Variants in TGFBI observed in about 807,000 individuals in gnomAD.
The protein encoded by TGFBI is transforming growth factor beta induced, also known as transforming growth factor-beta-induced protein ig-h3.
Under a neutral mutation model 73.7 loss-of-function variants are expected in TGFBI, and 50 were observed. The observed-to-expected ratio is 0.68, with a 90% CI of 0.54 to 0.86. TGFBI has a LOEUF of 0.86. Among genes scored for constraint, TGFBI ranks in the 40% least tolerant of loss-of-function variants. TGFBI has a pLI of 0.00. For missense variants in TGFBI, 839 were observed against 877.0 expected, an observed-to-expected ratio of 0.96 and a Z score of 0.55; for synonymous variants, 362 against 360.5, an observed-to-expected ratio of 1.00 and a Z score of -0.05.
intron 1 of TGFBI, 65 bp from the exon 2 acceptor site, chr5:136,033,698 T>A (rs1439608217): frequency 1.6e-5 from 22 of 1,371,540 alleles, no homozygotes. Flanking sequence ...GCAAACACGA[T>A]GGGAGTCATT....
At chr5:136,037,439 A>G (rs1331550807) in intron 2 of TGFBI, among the ~76,000 whole-genome samples, 1 of 152,134 alleles carries the variant, frequency 6.6e-6, no homozygotes, top group Non-Finnish European at 1.5e-5. Context: ...GTGGTCAGGA[A>G]GCCTGGCTGC....
chr5:136,041,786 C>T (rs1309463670), intron 2 of TGFBI, among the ~76,000 whole-genome samples: 1 of 152,190 alleles, frequency 6.6e-6, no homozygotes, highest in Non-Finnish European at 1.5e-5. Flanking sequence ...CACCTAGCCA[C>T]AGGAACCAAT....
Position 136,055,691 on chromosome 5 carries a change from T to C in TGFBI, c.1422T>C (p.Ile474=), listed in dbSNP as rs760650058. ...CCTCTTCTGTGCAGAGCCTCTGCAT[T>C]GAGAACAGCTGCATCGCGGCCCACG... ...RVFVYRNSLC[I]ENSCIAAHDK... The change falls in exon 11 of 17, where the codon ATT becomes ATC. Residue 474 remains isoleucine, a synonymous_variant. Transcript: ENST00000442011. 1 of 1,605,754 alleles carries C rather than the reference T, an allele frequency of 6.2e-7. No individual in the cohort carries two copies. The highest frequency in any genetic ancestry group is 1.7e-5 in the Admixed American group (1 of 59,834).
intron 16 of TGFBI, 43 bp from the exon 17 acceptor site, chr5:136,063,143 G>T (rs1751779674): frequency 6.3e-7 from 1 of 1,583,136 alleles, no homozygotes. Context: ...ACAGACATGG[G>T]GAGATCTGCA....
Position 136,029,060 on chromosome 5 carries a change from C to G in TGFBI, c.5C>G (p.Ala2Gly), listed in dbSNP as rs961237698. Residue 2 changes from alanine to glycine, a missense_variant, in exon 1 of 17, where the codon GCG becomes GGG. Physicochemically the swap from Ala to Gly is moderately conservative, Grantham distance 60. Coordinates refer to ENST00000442011, the MANE Select transcript of TGFBI (RefSeq NM_000358.3). M[A>G]LFVRLLALAL... is the part of the protein sequence containing the mutation. ...CGGTGCGCGTCGTCCCGCTCCATGG[C>G]GCTCTTCGTGCGGCTGCTGGCTCTC... 2 of 1,527,392 alleles carry G rather than the reference C, an allele frequency of 1.3e-6. No individual in the cohort carries two copies. The highest frequency in any genetic ancestry group is 1.7e-6 in the Non-Finnish European group (2 of 1,144,114). The allele number at this position is 1,527,392 out of a possible 1,614,324, so 94.6% of individuals were successfully genotyped here.
chr5:136,055,804 A>G lies in TGFBI; in HGVS notation c.1535A>G (p.Asp512Gly), dbSNP rs1751620438. 1 of 1,608,644 alleles carries G rather than the reference A, an allele frequency of 6.2e-7. No homozygotes were observed. The highest frequency in any genetic ancestry group is 2.2e-5 in the East Asian group (1 of 44,682). Residue 512 changes from aspartate (D) to glycine (G), a missense_variant, in exon 11 of 17, where the codon GAC (aspartate) becomes GGC (glycine). Coordinates refer to ENST00000442011, the MANE Select transcript of TGFBI (RefSeq NM_000358.3). ...ACTGTCATGGATGTCCTGAAGGGAGACAATCGCTTTAGGTAATTAGTTCCA... is the reference window on the plus strand; with the variant it reads ...ACTGTCATGGATGTCCTGAAGGGAGGCAATCGCTTTAGGTAATTAGTTCCA... Reference protein sequence around the residue: ...MGTVMDVLKGDNRFSMLVAAI... With the variant: ...MGTVMDVLKGGNRFSMLVAAI...
rs1240386290 is a variant in TGFBI at position 136,056,812 on chromosome 5, GT to G, written c.1678+18del. 1 of 1,605,090 alleles carries G rather than the reference GT, an allele frequency of 6.2e-7. No individual in the cohort carries two copies. The highest frequency in any genetic ancestry group is 8.5e-7 in the Non-Finnish European group (1 of 1,175,176). ...GACTCTTGGGTAAAGACCAACTTAA[GT>G]ACACGTCTCCATTTTTCTAAAGTAG... On this transcript the variant is annotated intron_variant, in intron 12 of 16. Coordinates refer to ENST00000442011, the MANE Select transcript of TGFBI (RefSeq NM_000358.3).
At chr5:136,043,887 C>G (rs1397579012) in intron 2 of TGFBI, among the ~76,000 whole-genome samples, 171 bp from the exon 3 acceptor site, 1 of 152,238 alleles carries the variant, frequency 6.6e-6, no homozygotes, top group Non-Finnish European at 1.5e-5. Context: ...TGAGACTCTC[C>G]TTGCTCAGGA....
rs557545677 is a variant in TGFBI, at chr5:136,053,947, G to A, written c.1131G>A (p.Lys377=). The change falls in exon 9 of 17, where the codon AAG becomes AAA. Residue 377 remains lysine (K), a synonymous_variant. Coordinates refer to ENST00000442011, the MANE Select transcript of TGFBI (RefSeq NM_000358.3). ...CCACTTTCTCCTTCCTTGTAGCCAA[G>A]ACACTATTTGAATTGGCTGCAGAGT... ...IDELLIPDSA[K]TLFELAAESD... The A allele has an allele frequency of 6.2e-7, 1 of 1,613,904 alleles. No individual in the cohort carries two copies. The highest frequency in any genetic ancestry group is 2.2e-5 in the East Asian group (1 of 44,878).
chr5:136,029,173 C>T lies in TGFBI; in HGVS notation c.118C>T (p.Arg40Trp), dbSNP rs1751060687. ...YQLVLQHSRLRGRQHGPNVCA... is the reference protein window; with the variant it reads ...YQLVLQHSRLWGRQHGPNVCA... ...GCTGGTGCTGCAGCACAGCAGGCTC[C>T]GGGGCCGCCAGCACGGGTAAGCCGA... Residue 40 changes from arginine (R) to tryptophan (W), a missense_variant, in exon 1 of 17, where the codon CGG (arginine) becomes TGG (tryptophan). Physicochemically the swap from Arg to Trp is moderately radical, Grantham distance 101. Transcript: ENST00000442011. The T allele has an allele frequency of 6.6e-7, 1 of 1,511,378 alleles. No individual in the cohort carries two copies. The highest frequency in any genetic ancestry group is 8.8e-7 in the Non-Finnish European group (1 of 1,135,356). 93.6% of individuals were successfully genotyped at this position (1,511,378 alleles called of 1,614,324 possible).
chr5:136,060,787 T>A, intron 13 of TGFBI, 47 bp from the exon 14 acceptor site: 1 of 1,357,186 alleles, frequency 7.4e-7, no homozygotes, highest in Non-Finnish European at 1.0e-6. Flanking sequence ...TATATAAATG[T>A]ATAAATAAAT....
At chr5:136,051,692 G>A (rs865793146) in intron 7 of TGFBI, among the ~76,000 whole-genome samples, 22 of 152,182 alleles carry the variant, frequency 1.4e-4, no homozygotes, top group African/African-American at 3.9e-4. Flanking sequence ...CTGGTGGTGT[G>A]TCCAGTTTGA....
In TGFBI at chr5:136,053,134, C is replaced by T. The variant is rs368659984; in HGVS notation, c.1126+15C>T. The T allele has an allele frequency of 6.4e-5, 103 of 1,611,772 alleles. No individual in the cohort carries two copies. The highest frequency in any genetic ancestry group is 1.7e-4 in the Middle Eastern group (1 of 5,724). ...CCCAGACTCAGGTAGGCCAGGCCTC[C>T]GGGGGCCTTGGCCCTGCCTGGCCCA... is the stretch of plus-strand genomic sequence containing the variant. On this transcript the variant is annotated intron_variant, in intron 8 of 16. Transcript: ENST00000442011.
At chr5:136,054,575 A>G in intron 9 of TGFBI, 141 bp from the exon 10 acceptor site, 1 of 1,068,144 alleles carries the variant, frequency 9.4e-7, no homozygotes, top group Non-Finnish European at 1.5e-6. Context: ...ATGTTAAGGA[A>G]TATTGGCAGC....
chr5:136,058,007 C>A (rs1180888212), intron 12 of TGFBI, among the ~76,000 whole-genome samples: 1 of 152,064 alleles, frequency 6.6e-6, no homozygotes, highest in Non-Finnish European at 1.5e-5. Flanking sequence ...CCCAAACACA[C>A]CCTCCCCCAG....
chr5:136,039,652 C>T (rs1325456431), intron 2 of TGFBI, among the ~76,000 whole-genome samples: 3 of 152,220 alleles, frequency 2.0e-5, no homozygotes, highest in African/African-American at 7.2e-5. Flanking sequence ...CAGGAGTGCC[C>T]AAAATGCCCT....
intron 12 of TGFBI, among the ~76,000 whole-genome samples, chr5:136,058,366 GCAGCTGGAAACTTTCGGAATGACCTCCCA>G (rs1392110062): frequency 3.9e-4 from 60 of 152,308 alleles, no homozygotes; most frequent in African/African-American, 1.4e-3. Flanking sequence ...AGATGAGAGG[GCAGCTGGAAACTTTCGGAATGACCTCCCA>G]CACTTAATTT....
In TGFBI at chr5:136,036,881, G is replaced by A. The variant is rs1419016461; in HGVS notation, c.233+3020G>A. Among the ~76,000 whole-genome samples the A allele has an allele frequency of 2.6e-5, 4 of 152,278 alleles. No individual in the cohort carries two copies. The East Asian group carries it at 7.7e-4, about 29-fold the overall frequency. The stretch of plus-strand genomic sequence containing the variant: ...GATGAAAAGGAGTAAAGTATCATGG[G>A]GGAGGAGGCAGCTCAGGTTGTCAAG... On this transcript the variant is annotated intron_variant, in intron 2 of 16. Coordinates refer to ENST00000442011, the MANE Select transcript of TGFBI (RefSeq NM_000358.3).
At chr5:136,031,046 A>G (rs994358508) in intron 1 of TGFBI, among the ~76,000 whole-genome samples, 1 of 152,108 alleles carries the variant, frequency 6.6e-6, no homozygotes, top group African/African-American at 2.4e-5. Context: ...TCCCCACCAT[A>G]CCCCTGCAGG....
Sources: gnomAD v4.1 joint callset for allele counts (sites outside exome capture counted in the v4.1 genomes callset) on GRCh38, gnomAD v4.1.1 for gene constraint, MANE v1.5 for transcripts, NCBI Gene and HGNC (gene_info 2026-07-23, HGNC 2026-07-21) for gene names.